SYT1: variants seen among roughly 807,000 people sequenced by gnomAD.
SYT1 encodes synaptotagmin 1.
A neutral mutation model predicts 44.8 loss-of-function variants in SYT1; 8 were observed. The observed-to-expected ratio is 0.18, with a 90% CI of 0.10 to 0.32. The LOEUF (loss-of-function observed/expected upper bound fraction) is 0.32. Ranked by LOEUF, SYT1 falls within the 10% of genes least tolerant of loss-of-function variation. SYT1 has a pLI of 1.00. For missense variants in SYT1, 286 were observed against 509.3 expected (o/e 0.56, Z 4.22); for synonymous variants, 154 against 188.8 (o/e 0.82, Z 1.51).
intron 2 of SYT1, among the ~76,000 whole-genome samples, chr12:79,017,799 C>T (rs7963579): frequency 0.034 from 5,089 of 151,878 alleles, 278 homozygotes; most frequent in African/African-American, 0.12. Context: ...TCTCTGTCAA[C>T]GAGGAAATAA....
intron 3 of SYT1, among the ~76,000 whole-genome samples, chr12:79,126,906 A>G (rs947097955): frequency 1.3e-5 from 2 of 152,182 alleles, no homozygotes; most frequent in Non-Finnish European, 2.9e-5. Context: ...CTGGCTTTCA[A>G]CTTGAGAATT....
rs1381584081 is a variant in SYT1 at position 79,088,770 on chromosome 12, GTGTGTGTGTA to G, written c.-18+41418_-18+41427del. 1.2e-3 allele frequency among the ~76,000 whole-genome samples: 176 copies of G among 150,288 alleles called. 1 individual carries two copies. The East Asian group carries it at 0.015, about 12-fold the overall frequency. Reference sequence around the variant, plus strand: ...TGTGTGTGTGTGTGTGTGTGTGTGTGTGTGTGTGTATGTGTGTGTGTGTGAGGGGGCAGAG... The same window carrying G: ...TGTGTGTGTGTGTGTGTGTGTGTGTGTGTGTGTGTGTGTGAGGGGGCAGAG... On this transcript the variant is annotated intron_variant, in intron 3 of 10. Coordinates refer to ENST00000261205, the MANE Select transcript of SYT1 (RefSeq NM_005639.3).
At chr12:79,308,733 C>T (rs959591169) in intron 8 of SYT1, among the ~76,000 whole-genome samples, 3 of 152,186 alleles carry the variant, frequency 2.0e-5, no homozygotes, top group Non-Finnish European at 2.9e-5. Flanking sequence ...GGTCTGTATT[C>T]GCTGTGACCA....
At chr12:79,224,283 C>G (rs1394834659) in intron 4 of SYT1, among the ~76,000 whole-genome samples, 30 of 151,918 alleles carry the variant, frequency 2.0e-4, no homozygotes, top group Non-Finnish European at 2.9e-5. Flanking sequence ...TTAGCACTCA[C>G]AGAGCTTATA....
chr12:78,897,796 G>T (rs1396366641), intron 1 of SYT1, among the ~76,000 whole-genome samples: 1 of 151,964 alleles, frequency 6.6e-6, no homozygotes, highest in Non-Finnish European at 1.5e-5. Context: ...GAAATATTAT[G>T]TTCATTAGAG....
chr12:79,152,227 A>AATGGTCAG (rs1870316402), intron 3 of SYT1, among the ~76,000 whole-genome samples: 2 of 152,296 alleles, frequency 1.3e-5, no homozygotes, highest in Admixed American at 6.5e-5. Flanking sequence ...CCAGACTTCA[A>AATGGTCAG]TGGGTCAAAA....
chr12:78,976,237 G>C (rs1242737134), intron 1 of SYT1, among the ~76,000 whole-genome samples: 1 of 151,680 alleles, frequency 6.6e-6, no homozygotes, highest in Non-Finnish European at 1.5e-5. Context: ...TGGCCAAAAA[G>C]AAGAAAAAAA....
Position 78,998,185 on chromosome 12 carries a change from T to A in SYT1, c.-84+20254T>A, listed in dbSNP as rs183727915. ...GTGCTGTCCTTGATTAGAAGTAATT[T>A]TATTTCATTTGCCTATGAAAAAGAA... On this transcript the variant is annotated intron_variant, in intron 2 of 10. Coordinates refer to ENST00000261205, the MANE Select transcript of SYT1 (RefSeq NM_005639.3). 2.6e-5 allele frequency among the ~76,000 whole-genome samples: 4 copies of A among 152,316 alleles called. No homozygotes were observed. In the East Asian group the frequency reaches 7.7e-4, roughly 29 times the overall value.
chr12:79,078,148 T>TG (rs1876787563), intron 3 of SYT1, among the ~76,000 whole-genome samples: 1 of 152,206 alleles, frequency 6.6e-6, no homozygotes, highest in African/African-American at 2.4e-5. Flanking sequence ...CACTGGTCAT[T>TG]GTCCAGTTGT....
intron 1 of SYT1, among the ~76,000 whole-genome samples, chr12:78,902,978 C>T (rs907259266): frequency 6.6e-6 from 1 of 152,126 alleles, no homozygotes; most frequent in African/African-American, 2.4e-5. Context: ...TCAAACTCTA[C>T]TAACGTAAGT....
chr12:78,918,314 C>T (rs1436956837), intron 1 of SYT1, among the ~76,000 whole-genome samples: 3 of 152,076 alleles, frequency 2.0e-5, no homozygotes, highest in South Asian at 2.1e-4. Context: ...CCATTCTCTC[C>T]ATTCCAGGCA....
At chr12:79,396,020 C>T (rs1202412255) in intron 9 of SYT1, among the ~76,000 whole-genome samples, 1 of 152,166 alleles carries the variant, frequency 6.6e-6, no homozygotes, top group Non-Finnish European at 1.5e-5. Context: ...TTAGTTACTA[C>T]ACCTGGGAAT....
chr12:79,432,881 G>A (rs1003211157), intron 9 of SYT1, among the ~76,000 whole-genome samples: 3 of 152,060 alleles, frequency 2.0e-5, no homozygotes, highest in African/African-American at 7.2e-5. Context: ...CAAAGTGCTG[G>A]GATTACAGGT....
At chr12:79,391,127 A>G (rs1367687240) in intron 9 of SYT1, among the ~76,000 whole-genome samples, 3 of 152,332 alleles carry the variant, frequency 2.0e-5, no homozygotes, top group South Asian at 4.1e-4. Flanking sequence ...AAGATTAGTC[A>G]TAGCCTCTTG....
intron 3 of SYT1, among the ~76,000 whole-genome samples, chr12:79,067,921 G>A (rs949501871): frequency 1.1e-4 from 16 of 152,264 alleles, no homozygotes; most frequent in African/African-American, 2.2e-4. Context: ...GTGCTGCTGC[G>A]TTTCAGGGTT....
intron 8 of SYT1, among the ~76,000 whole-genome samples, chr12:79,340,886 C>T (rs910456085): frequency 1.3e-5 from 2 of 152,344 alleles, no homozygotes; most frequent in African/African-American, 4.8e-5. Flanking sequence ...TTTCCCTACT[C>T]TCCACTAAAA....
At chr12:79,271,187 T>C (rs2138769308) in intron 4 of SYT1, among the ~76,000 whole-genome samples, 1 of 152,330 alleles carries the variant, frequency 6.6e-6, no homozygotes, top group East Asian at 1.9e-4. Context: ...GTTTTCACAA[T>C]GCTCAATTAA....
intron 1 of SYT1, among the ~76,000 whole-genome samples, chr12:78,949,255 A>T (rs888273337): frequency 2.0e-5 from 3 of 151,686 alleles, no homozygotes; most frequent in Admixed American, 6.6e-5. Flanking sequence ...GAAATATAGG[A>T]CTCCCGTGAA....
At chr12:78,925,059 AG>A (rs1156649610) in intron 1 of SYT1, among the ~76,000 whole-genome samples, 2 of 151,442 alleles carry the variant, frequency 1.3e-5, no homozygotes, top group Non-Finnish European at 2.9e-5. Flanking sequence ...CATGTTTATG[AG>A]TATATGTGTC....
Sources: gnomAD v4.1 joint callset for allele counts (sites outside exome capture counted in the v4.1 genomes callset) on GRCh38, gnomAD v4.1.1 for gene constraint, MANE v1.5 for transcripts, NCBI Gene and HGNC (gene_info 2026-07-23, HGNC 2026-07-21) for gene names.